Variants in MGST1 observed in about 807,000 individuals in gnomAD.
The protein encoded by MGST1 is microsomal glutathione S-transferase 1.
A neutral mutation model predicts 8.9 loss-of-function variants in MGST1; 5 were observed. The ratio of observed to expected loss-of-function variants is 0.56; its 90% confidence interval spans 0.29 to 1.19. The LOEUF is 1.19. MGST1 is among the 50% of genes most tolerant of loss of function. The probability of loss-of-function intolerance (pLI) is 0.08; values close to 1 mark genes in which losing one functional copy is unlikely to be tolerated. For missense variants in MGST1, 182 were observed against 187.4 expected (o/e 0.97, Z 0.17); for synonymous variants, 54 against 67.8 (o/e 0.80, Z 1.00).
In MGST1 at chr12:16,402,175, C is replaced by G. The variant is rs1211903039; in HGVS notation, n.778+18571C>G. ...GTGTTGGCAATTTGTTTCAAAAACT[C>G]CACTTTTTTTTTGCTGGCCATAAAG... On this transcript the variant is annotated intron_variant and non_coding_transcript_variant, in intron 1 of 1. Coordinates refer to the MGST1 transcript ENST00000359720. The G allele has an allele frequency of 3.2e-6, 5 of 1,571,838 alleles. No homozygotes were observed. In the African/African-American group the frequency reaches 6.8e-5, roughly 21 times the overall value.
In MGST1 at chr12:16,513,732, T is replaced by A; in HGVS notation, n.483-75796T>A. 1 of 569,210 alleles carries A rather than the reference T, an allele frequency of 1.8e-6. No individual in the cohort carries two copies. The highest frequency in any genetic ancestry group is 1.4e-5 in the South Asian group (1 of 71,168). The allele number at this position is 569,210 out of a possible 1,614,324, so 35.3% of individuals were successfully genotyped here. A position where few individuals can be genotyped will look rare whatever the true frequency, so the allele number is the denominator to read the frequency against. The stretch of plus-strand genomic sequence containing the variant: ...CTGCAGAAGTAGCCTTGGGCGAGAA[T>A]AGCGAAGTCTCGAAAAGTGGCCGGT... On this transcript the variant is annotated intron_variant and non_coding_transcript_variant, in intron 4 of 4. Transcript: ENST00000538857. This position sits in a 1 kb window ranked among gnomAD's most constrained non-coding sequence, Gnocchi z 4.2.
rs184729023 is a variant in MGST1, at chr12:16,413,201, G to C, written n.779-24187G>C. ...CACTGACTTTCTCGAGCCCTATTTG[G>C]CTCTGCAGGAGCTAAACTGGTATCT... On this transcript the variant is annotated intron_variant and non_coding_transcript_variant, in intron 1 of 1. Coordinates refer to the MGST1 transcript ENST00000359720. This position sits in a 1 kb window ranked among gnomAD's most constrained non-coding sequence, Gnocchi z 4.0. Among the ~76,000 whole-genome samples the C allele has an allele frequency of 6.6e-6, 1 of 152,132 alleles. No individual in the cohort carries two copies. Among genetic ancestry groups the C allele is most frequent in the Non-Finnish European group, 1.5e-5 (1 of 68,032 alleles).
At chr12:16,448,234 C>G (rs1182879800) in intron 4 of MGST1, among the ~76,000 whole-genome samples, 1 of 151,812 alleles carries the variant, frequency 6.6e-6, no homozygotes, top group Non-Finnish European at 1.5e-5. Context: ...TTAACAAATA[C>G]TTACTGAATT....
intron 4 of MGST1, among the ~76,000 whole-genome samples, chr12:16,570,300 T>C (rs1351240328): frequency 6.6e-6 from 1 of 152,178 alleles, no homozygotes; most frequent in East Asian, 1.9e-4. Flanking sequence ...TAGAGACTCA[T>C]AATTACCTTC....
chr12:16,401,812 C>G lies in MGST1; in HGVS notation n.778+18208C>G. 6.2e-7 allele frequency: 1 copy of G among 1,604,334 alleles called. No homozygotes were observed. The highest frequency in any genetic ancestry group is 8.5e-7 in the Non-Finnish European group (1 of 1,171,038). On this transcript the variant is annotated intron_variant and non_coding_transcript_variant, in intron 1 of 1. Transcript: ENST00000359720. The surrounding 1 kb of genome is among the most constrained non-coding windows in gnomAD (Gnocchi z 4.3). ...ACTTTCTCATCTGCATCAACTATTT[C>G]CATGACTCTTTCCTTGAAGAATTTG...
intron 1 of MGST1, among the ~76,000 whole-genome samples, chr12:16,386,411 G>A (rs1336061921): frequency 2.0e-5 from 3 of 152,162 alleles, no homozygotes; most frequent in African/African-American, 7.2e-5. Context: ...GAGTGCAAGG[G>A]TATGGCAATG....
At chr12:16,472,258 C>T (rs1941293692) in intron 4 of MGST1, among the ~76,000 whole-genome samples, 1 of 152,018 alleles carries the variant, frequency 6.6e-6, no homozygotes, top group African/African-American at 2.4e-5. Context: ...GTCTCCTTCA[C>T]AACCAGAAAA....
At chr12:16,430,631 G>A (rs1343347097) in intron 1 of MGST1, among the ~76,000 whole-genome samples, 1 of 151,690 alleles carries the variant, frequency 6.6e-6, no homozygotes, top group African/African-American at 2.4e-5. Flanking sequence ...TTTCTGAGCA[G>A]TAGGTCTTAA....
intron 4 of MGST1, among the ~76,000 whole-genome samples, chr12:16,530,185 T>A (rs1300043603): frequency 6.6e-6 from 1 of 152,170 alleles, no homozygotes; most frequent in African/African-American, 2.4e-5. Flanking sequence ...GATGTTTTTA[T>A]ACTTCATCTA....
intron 1 of MGST1, among the ~76,000 whole-genome samples, chr12:16,428,207 T>C (rs1940909532): frequency 6.6e-6 from 1 of 151,942 alleles, no homozygotes; most frequent in African/African-American, 2.4e-5. Context: ...TTTAGCTGAC[T>C]TAAAAATATT....
downstream of MGST1, among the ~76,000 whole-genome samples, chr12:16,380,348 T>C (rs1227035887): frequency 6.6e-6 from 1 of 152,228 alleles, no homozygotes; most frequent in East Asian, 1.9e-4. Context: ...TGTGTGTTTG[T>C]TCTCATTGGT....
At chr12:16,528,184 G>A (rs746364495) in intron 4 of MGST1, among the ~76,000 whole-genome samples, 1 of 151,924 alleles carries the variant, frequency 6.6e-6, no homozygotes, top group Non-Finnish European at 1.5e-5. Context: ...AACAATGTCC[G>A]CCTTTTTCAT....
At chr12:16,556,895 C>A (rs1384847208) in intron 4 of MGST1, among the ~76,000 whole-genome samples, 1 of 152,074 alleles carries the variant, frequency 6.6e-6, no homozygotes, top group Non-Finnish European at 1.5e-5. Context: ...GATATGCAGT[C>A]CCATTATGGC....
intron 4 of MGST1, among the ~76,000 whole-genome samples, chr12:16,476,848 G>T (rs1941326924): frequency 6.6e-6 from 1 of 152,182 alleles, no homozygotes; most frequent in Non-Finnish European, 1.5e-5. Context: ...AATAAGGTGA[G>T]AAAGAAGAGG....
Position 16,559,222 on chromosome 12 carries a change from GA to G in MGST1, n.483-30303del, listed in dbSNP as rs1400660326. ...AAATCTATCAAGTGTTCTAATTTTT[GA>G]AATGTTGTATTTTTAATACGTACAT... is the stretch of plus-strand genomic sequence containing the variant. On this transcript the variant is annotated intron_variant and non_coding_transcript_variant, in intron 4 of 4. Transcript: ENST00000538857. The surrounding 1 kb of genome is among the most constrained non-coding windows in gnomAD (Gnocchi z 4.1). Among the ~76,000 whole-genome samples the G allele has an allele frequency of 2.0e-5, 3 of 152,066 alleles. 1 individual carries two copies. The highest frequency in any genetic ancestry group is 1.5e-5 in the Non-Finnish European group (1 of 67,996).
rs78571881 is a variant in MGST1, at chr12:16,437,060, A to G, written n.779-328A>G. On this transcript the variant is annotated intron_variant and non_coding_transcript_variant, in intron 1 of 1. Coordinates refer to the MGST1 transcript ENST00000359720. ...GAAGAGCAAGGGCATAAATGATCCA[A>G]TTAGAGAAAGACAAGATTACTGAAG... 1.1e-4 allele frequency among the ~76,000 whole-genome samples: 17 copies of G among 152,136 alleles called. No individual in the cohort carries two copies. In the East Asian group the frequency reaches 2.5e-3, roughly 23 times the overall value.
chr12:16,580,731 G>C (rs924260365), intron 4 of MGST1, among the ~76,000 whole-genome samples: 11 of 152,156 alleles, frequency 7.2e-5, no homozygotes, highest in African/African-American at 2.7e-4. Flanking sequence ...TGAATAATTA[G>C]AGCAAACATT....
intron 4 of MGST1, among the ~76,000 whole-genome samples, chr12:16,540,502 A>C (rs1339433157): frequency 6.6e-6 from 1 of 152,244 alleles, no homozygotes; most frequent in East Asian, 1.9e-4. Flanking sequence ...GATGAGATGA[A>C]ATACTCTTGA....
intron 4 of MGST1, among the ~76,000 whole-genome samples, chr12:16,526,722 C>T (rs1174889599): frequency 2.0e-5 from 3 of 151,722 alleles, no homozygotes; most frequent in Non-Finnish European, 2.9e-5. Context: ...TTGGGATTTA[C>T]GTCTGAAAGA....
Sources: gnomAD v4.1 joint callset for allele counts (sites outside exome capture counted in the v4.1 genomes callset) on GRCh38, gnomAD v4.1.1 for gene constraint, Gnocchi (gnomAD v3.1) non-coding constraint, MANE v1.5 for transcripts, NCBI Gene and HGNC (gene_info 2026-07-23, HGNC 2026-07-21) for gene names.